Variants in MOSMO observed in about 807,000 individuals in gnomAD.
MOSMO encodes modulator of smoothened, also known as modulator of smoothened protein.
In MOSMO, 5 loss-of-function variants were observed where a neutral mutation model predicts 18.4. That is an observed-to-expected ratio of 0.27 (90% CI 0.14 to 0.57). The LOEUF (loss-of-function observed/expected upper bound fraction) is 0.57. Among genes scored for constraint, MOSMO ranks in the 20% least tolerant of loss-of-function variants. The probability of loss-of-function intolerance (pLI) is 0.92; values close to 1 mark genes in which losing one functional copy is unlikely to be tolerated. For synonymous variants in MOSMO, 82 were observed against 82.3 expected, an observed-to-expected ratio of 1.00 and a Z score of 0.02; for missense variants, 138 against 211.8, an observed-to-expected ratio of 0.65 and a Z score of 2.16.
intron 1 of MOSMO, among the ~76,000 whole-genome samples, chr16:22,058,829 A>G (rs942306813): frequency 6.6e-6 from 1 of 152,236 alleles, no homozygotes; most frequent in Non-Finnish European, 1.5e-5. Flanking sequence ...TGTCTTAGCT[A>G]GAGATCAATT....
At chr16:22,014,035 G>A (rs1198527622) in intron 1 of MOSMO, among the ~76,000 whole-genome samples, 1 of 152,116 alleles carries the variant, frequency 6.6e-6, no homozygotes, top group African/African-American at 2.4e-5. Flanking sequence ...TTGGGGGCAC[G>A]TGACGTCCTA....
intron 2 of MOSMO, among the ~76,000 whole-genome samples, chr16:22,079,019 A>C (rs142831296): frequency 6.6e-6 from 1 of 152,352 alleles, no homozygotes; most frequent in East Asian, 1.9e-4. Flanking sequence ...AAAATAATCT[A>C]CCTAAATCGT....
chr16:22,090,698 T>C (rs1464236589), downstream of MOSMO, among the ~76,000 whole-genome samples: 1 of 152,212 alleles, frequency 6.6e-6, no homozygotes, highest in Non-Finnish European at 1.5e-5. Context: ...CTGACCCTGA[T>C]CCATTTCCAA....
rs1219399225 is a variant in MOSMO, at chr16:22,009,015, G to A, written c.106+608G>A. Among the ~76,000 whole-genome samples the A allele has an allele frequency of 3.3e-5, 5 of 152,284 alleles. No homozygotes were observed. In the East Asian group the frequency reaches 7.7e-4, roughly 24 times the overall value. On this transcript the variant is annotated intron_variant, in intron 1 of 2. Coordinates refer to ENST00000542527, the MANE Select transcript of MOSMO (RefSeq NM_001164579.2). Reference sequence around the variant, plus strand: ...GCAGGGTGAATGGTGGGTGCTGGGAGAGCTGGTGGGGTTGGTGGGAGTGGG... The same window carrying A: ...GCAGGGTGAATGGTGGGTGCTGGGAAAGCTGGTGGGGTTGGTGGGAGTGGG...
chr16:22,034,745 T>A (rs1228174931), intron 1 of MOSMO, among the ~76,000 whole-genome samples: 1 of 61,966 alleles, frequency 1.6e-5, no homozygotes, highest in Non-Finnish European at 2.8e-5. Flanking sequence ...TTTTTTTGGG[T>A]TTTTTTTTTT....
At chr16:22,026,056 C>T (rs2141990283) in intron 1 of MOSMO, among the ~76,000 whole-genome samples, 1 of 152,160 alleles carries the variant, frequency 6.6e-6, no homozygotes, top group Middle Eastern at 3.4e-3. Flanking sequence ...CCATTCTTTA[C>T]AAATTCTGAG....
At position 22,078,017 on chromosome 16, in the gene MOSMO, G is replaced by A. The variant is rs561605164; in HGVS notation, c.319+2318G>A. ...GTAAGGGTGATATCTTCTGATGGCC[G>A]TGCACAGTGGGGAAATATGTCTCAG... On this transcript the variant is annotated intron_variant, in intron 2 of 2. Transcript: ENST00000542527. Among the ~76,000 whole-genome samples, 12 of 151,996 alleles carry A rather than the reference G, an allele frequency of 7.9e-5. No individual in the cohort carries two copies. The South Asian group carries it at 1.2e-3, about 16-fold the overall frequency.
intron 1 of MOSMO, among the ~76,000 whole-genome samples, chr16:22,061,706 T>G (rs1018797550): frequency 2.0e-5 from 3 of 152,194 alleles, no homozygotes; most frequent in Non-Finnish European, 4.4e-5. Context: ...GCTCATGGTG[T>G]GGTGCTAGGC....
chr16:22,036,745 C>T (rs1045547067), intron 1 of MOSMO, among the ~76,000 whole-genome samples: 9 of 152,156 alleles, frequency 5.9e-5, no homozygotes, highest in Non-Finnish European at 1.0e-4. Flanking sequence ...ATTCTATACC[C>T]AGCCACAAAT....
chr16:22,028,686 A>G (rs1899929055), intron 1 of MOSMO, among the ~76,000 whole-genome samples: 1 of 152,128 alleles, frequency 6.6e-6, no homozygotes, highest in South Asian at 2.1e-4. Flanking sequence ...TATTATATGT[A>G]ATCTACTCAG....
At chr16:22,018,833 G>A (rs1899695109) in intron 1 of MOSMO, among the ~76,000 whole-genome samples, 1 of 152,148 alleles carries the variant, frequency 6.6e-6, no homozygotes, top group Non-Finnish European at 1.5e-5. Flanking sequence ...GGAAGACTTG[G>A]GTGGTTCTTG....
chr16:22,041,274 T>A (rs1474743638), intron 1 of MOSMO, among the ~76,000 whole-genome samples: 1 of 152,148 alleles, frequency 6.6e-6, no homozygotes, highest in Non-Finnish European at 1.5e-5. Flanking sequence ...AAGCTTAGCT[T>A]GCCTTGTTTT....
At chr16:22,008,966 G>GGCTGCGGGCGCTGACCCCAC (rs995643158) in intron 1 of MOSMO, among the ~76,000 whole-genome samples, 1 of 152,020 alleles carries the variant, frequency 6.6e-6, no homozygotes, top group African/African-American at 2.4e-5. Context: ...GGCGAGCCCG[G>GGCTGCGGGCGCTGACCCCAC]GCTGCGGGCG....
intron 1 of MOSMO, among the ~76,000 whole-genome samples, chr16:22,037,517 C>A (rs1249167157): frequency 2.0e-5 from 3 of 152,156 alleles, no homozygotes; most frequent in Non-Finnish European, 2.9e-5. Flanking sequence ...CTGTTGCCAT[C>A]TACCTGGCAT....
intron 1 of MOSMO, among the ~76,000 whole-genome samples, chr16:22,016,069 A>C (rs774597796): frequency 5.3e-5 from 8 of 152,190 alleles, no homozygotes; most frequent in Non-Finnish European, 1.2e-4. Flanking sequence ...GTGACCAAAA[A>C]CATCATTGTT....
At chr16:22,063,480 C>CAAA in intron 1 of MOSMO, among the ~76,000 whole-genome samples, 1 of 152,276 alleles carries the variant, frequency 6.6e-6, no homozygotes. Flanking sequence ...ATAGGTAAGA[C>CAAA]AAATGTGAGT....
intron 1 of MOSMO, among the ~76,000 whole-genome samples, chr16:22,073,863 G>C (rs896938035): frequency 3.3e-5 from 5 of 151,954 alleles, no homozygotes; most frequent in African/African-American, 1.2e-4. Context: ...GTATAATGTT[G>C]CTTGCACCTG....
chr16:22,037,110 C>G (rs1342744858), intron 1 of MOSMO, among the ~76,000 whole-genome samples: 2 of 152,042 alleles, frequency 1.3e-5, no homozygotes, highest in Admixed American at 6.6e-5. Flanking sequence ...AAGCTAGACT[C>G]AAGAGGAAAA....
downstream of MOSMO, among the ~76,000 whole-genome samples, chr16:22,086,669 A>G (rs1441857986): frequency 1.3e-5 from 2 of 152,158 alleles, no homozygotes; most frequent in African/African-American, 4.8e-5. Context: ...TAATGGGGCT[A>G]TTGTTGGTTT....
Sources: allele counts gnomAD v4.1 joint callset (sites outside exome capture counted in the v4.1 genomes callset), GRCh38; gene constraint gnomAD v4.1.1; transcripts MANE v1.5; gene names NCBI Gene and HGNC (gene_info 2026-07-23, HGNC 2026-07-21).